ACIN1: variants seen among roughly 807,000 people sequenced by gnomAD.
ACIN1 encodes apoptotic chromatin condensation inducer 1, also known as apoptotic chromatin condensation inducer in the nucleus.
Under a neutral mutation model 146.6 loss-of-function variants are expected in ACIN1, and 16 were observed. The observed-to-expected ratio is 0.11, with a 90% CI of 0.07 to 0.17. The LOEUF is 0.17. Ranked by LOEUF, ACIN1 falls within the 10% of genes least tolerant of loss-of-function variation. The pLI is 1.00. For synonymous variants in ACIN1, 569 were observed against 582.7 expected (o/e 0.98, Z 0.34); for missense variants, 1,357 against 1,609.3 (o/e 0.84, Z 2.68).
intron 4 of ACIN1, among the ~76,000 whole-genome samples, chr14:23,089,019 A>G (rs960001818): frequency 6.6e-6 from 1 of 152,174 alleles, no homozygotes; most frequent in Non-Finnish European, 1.5e-5. Context: ...TTGAGATATT[A>G]TGCAAAATTG....
intron 4 of ACIN1, among the ~76,000 whole-genome samples, chr14:23,088,465 C>CT (rs1442347424): frequency 6.6e-6 from 1 of 152,166 alleles, no homozygotes; most frequent in Non-Finnish European, 1.5e-5. Flanking sequence ...TTTCTCTAGC[C>CT]TTTTGGAAAA....
At chr14:23,062,789 T>C (rs2047329341) in intron 14 of ACIN1, 140 bp downstream of exon 14, 1 of 1,106,554 alleles carries the variant, frequency 9.0e-7, no homozygotes, top group South Asian at 1.6e-5. Flanking sequence ...GGTAAATATG[T>C]TAAGTAACTC....
intron 2 of ACIN1, among the ~76,000 whole-genome samples, chr14:23,091,749 G>A (rs2048235139): frequency 6.6e-6 from 1 of 151,526 alleles, no homozygotes; most frequent in South Asian, 2.1e-4. Flanking sequence ...TCAGTCTCCT[G>A]AGTAGCTGGG....
chr14:23,072,890 G>T (rs1425776438), intron 8 of ACIN1, among the ~76,000 whole-genome samples: 1 of 152,246 alleles, frequency 6.6e-6, no homozygotes, highest in African/African-American at 2.4e-5. Flanking sequence ...TTGTGTGATA[G>T]TAGGCAAGTT....
intron 4 of ACIN1, among the ~76,000 whole-genome samples, chr14:23,089,340 G>A (rs1198000302): frequency 1.3e-5 from 2 of 152,050 alleles, no homozygotes; most frequent in African/African-American, 4.8e-5. Flanking sequence ...AGGCGTGAGC[G>A]ACCACACCCA....
At chr14:23,071,177 T>A in intron 8 of ACIN1, 1 of 1,547,500 alleles carries the variant, frequency 6.5e-7, no homozygotes, top group Non-Finnish European at 8.7e-7. Context: ...GAAGTGCTGT[T>A]TATCCCTTTC....
In ACIN1 at chr14:23,062,244, C is replaced by T. The variant is rs867727710; in HGVS notation, c.3023G>A (p.Arg1008His). 3 of 1,613,920 alleles carry T rather than the reference C, an allele frequency of 1.9e-6. No homozygotes were observed. Among genetic ancestry groups the T allele is most frequent in the Non-Finnish European group, 2.5e-6 (3 of 1,179,934 alleles). Reference protein sequence around the residue: ...YSTVEEAVATRTALHGVKWPQ... With the variant: ...YSTVEEAVATHTALHGVKWPQ... Reference sequence around the variant, plus strand: ...CCATTTGACCCCGTGCAGAGCTGTGCGGGTGGCAACAGCTTCCTCTACTGT... The same window carrying T: ...CCATTTGACCCCGTGCAGAGCTGTGTGGGTGGCAACAGCTTCCTCTACTGT... Residue 1008 changes from arginine (R) to histidine (H), a missense_variant, in exon 16 of 19, where the codon CGC becomes CAC. By Grantham distance (29) the Arg-to-His change is conservative. Coordinates refer to ENST00000605057, the MANE Select transcript of ACIN1 (RefSeq NM_001386863.1).
At chr14:23,089,932 C>A (rs764851597) in intron 4 of ACIN1, 50 bp downstream of exon 4, 1 of 1,504,664 alleles carries the variant, frequency 6.6e-7, no homozygotes, top group Admixed American at 2.0e-5. Context: ...CCTCCCCCCA[C>A]CAACTACGCA....
chr14:23,086,984 G>A (rs937703405), intron 4 of ACIN1, among the ~76,000 whole-genome samples: 18 of 152,102 alleles, frequency 1.2e-4, no homozygotes, highest in Non-Finnish European at 2.4e-4. Context: ...GATTCTTTGG[G>A]TAGGGGCCAG....
chr14:23,059,519 G>A (rs373371497), intron 18 of ACIN1, 45 bp from the exon 19 acceptor site: 3 of 1,511,246 alleles, frequency 2.0e-6, no homozygotes, highest in Non-Finnish European at 2.7e-6. Context: ...CTCAGTCCTG[G>A]TCACAGCCTC....
At chr14:23,093,921 A>T (rs1049741547) in intron 1 of ACIN1, among the ~76,000 whole-genome samples, 4 of 152,192 alleles carry the variant, frequency 2.6e-5, no homozygotes, top group Non-Finnish European at 5.9e-5. Context: ...CAAACCAGCC[A>T]TGGGGCTCCT....
chr14:23,071,254 A>G (rs2047638974), intron 8 of ACIN1: 1 of 1,513,502 alleles, frequency 6.6e-7, no homozygotes. Flanking sequence ...AAAAAACCAC[A>G]CCTTCCTTGT....
chr14:23,063,266 C>G (rs371206590), intron 13 of ACIN1, 170 bp downstream of exon 13: 7 of 1,131,962 alleles, frequency 6.2e-6, no homozygotes, highest in African/African-American at 1.6e-5. Context: ...AAAGATTAAA[C>G]AGAGTCAAAT....
intron 2 of ACIN1, among the ~76,000 whole-genome samples, chr14:23,092,528 T>A (rs2048255624): frequency 6.6e-6 from 1 of 152,234 alleles, no homozygotes; most frequent in Non-Finnish European, 1.5e-5. Context: ...TACAGCTTAA[T>A]GAGGTGATAA....
Position 23,079,000 on chromosome 14 carries a change from G to C in ACIN1, c.1827C>G (p.Ser609Arg), listed in dbSNP as rs747047921. The C allele has an allele frequency of 3.7e-6, 6 of 1,614,184 alleles. No homozygotes were observed. The highest frequency in any genetic ancestry group is 3.3e-5 in the Admixed American group (2 of 60,034). Residue 609 changes from serine to arginine, a missense_variant, in exon 7 of 19, where the codon AGC becomes AGG. Physicochemically the swap from Ser to Arg is moderately radical, Grantham distance 110. Transcript: ENST00000605057. The stretch of plus-strand genomic sequence containing the variant: ...AAGAGGGATCTTTGGTTTCAGTATA[G>C]CTGGTGCTGCTGTCCCTGGAGACTC... The part of the protein sequence containing the change: ...SPGVSRDSST[S>R]YTETKDPSSG...
upstream of ACIN1, chr14:23,095,151 G>T (rs766284229): frequency 6.2e-7 from 1 of 1,614,094 alleles, no homozygotes; most frequent in Non-Finnish European, 8.5e-7. Flanking sequence ...ACGGCTTCGG[G>T]CATCTTCGGT....
Position 23,069,574 on chromosome 14 carries a change from G to T in ACIN1, c.2167C>A (p.Pro723Thr), listed in dbSNP as rs758176010. 6.3e-7 allele frequency: 1 copy of T among 1,589,990 alleles called. No homozygotes were observed. Among genetic ancestry groups the T allele is most frequent in the Non-Finnish European group, 8.6e-7 (1 of 1,165,198 alleles). Residue 723 changes from proline to threonine, a missense_variant, in exon 9 of 19, where the codon CCT becomes ACT. Pro to Thr is a conservative substitution (Grantham distance 38). This residue lies in a region of ACIN1 where 771 missense variants were observed against 746.6 expected (regional missense o/e 1.03). Coordinates refer to ENST00000605057, the MANE Select transcript of ACIN1 (RefSeq NM_001386863.1). Reference protein sequence around the residue: ...EVTMDTSENRPENDVPEPPMP... With the variant: ...EVTMDTSENRTENDVPEPPMP... ...GGAGGTTCTGGAACATCATTTTCAGGTCTGTTTTCACTTGTGTCCATGGTC... is the reference window on the plus strand; with the variant it reads ...GGAGGTTCTGGAACATCATTTTCAGTTCTGTTTTCACTTGTGTCCATGGTC...
chr14:23,063,369 G>A (rs1372364643), intron 13 of ACIN1, 67 bp downstream of exon 13: 12 of 1,551,156 alleles, frequency 7.7e-6, no homozygotes, highest in Middle Eastern at 1.9e-4. Context: ...AGCTTTCAGC[G>A]ATCCAAATGA....
At chr14:23,095,399 C>T (rs559405959), upstream of ACIN1, 64 of 1,336,346 alleles carry the variant, frequency 4.8e-5, 1 homozygote, top group Middle Eastern at 2.1e-3. Flanking sequence ...TTCGGAAACC[C>T]TCGACCCTGG....
Sources: allele counts gnomAD v4.1 joint callset (sites outside exome capture counted in the v4.1 genomes callset), GRCh38; gene constraint gnomAD v4.1.1; regional missense constraint gnomAD v4.1.1; transcripts MANE v1.5; gene names NCBI Gene and HGNC (gene_info 2026-07-23, HGNC 2026-07-21).